Variants in TRIQK observed in about 807,000 individuals in gnomAD.
The protein encoded by TRIQK is triple QxxK/R motif containing.
Under a neutral mutation model 10.8 loss-of-function variants are expected in TRIQK, and 10 were observed. The observed-to-expected ratio is 0.92, with a 90% CI of 0.57 to 1.57. The LOEUF (loss-of-function observed/expected upper bound fraction) is 1.57. Among genes scored for constraint, TRIQK ranks in the 40% most tolerant of loss-of-function variants. The probability of loss-of-function intolerance (pLI) is 0.00; values close to 1 mark genes in which losing one functional copy is unlikely to be tolerated. For missense variants in TRIQK, 107 were observed against 97.7 expected, an observed-to-expected ratio of 1.09 and a Z score of -0.40; for synonymous variants, 33 against 33.7, an observed-to-expected ratio of 0.98 and a Z score of 0.07.
chr8:93,004,869 C>G (rs1403684786), intron 1 of TRIQK, among the ~76,000 whole-genome samples: 1 of 152,222 alleles, frequency 6.6e-6, no homozygotes, highest in Non-Finnish European at 1.5e-5. Flanking sequence ...TCATCTCCAT[C>G]TGAGACCAGC....
chr8:92,937,595 T>A (rs1021962295), intron 2 of TRIQK, among the ~76,000 whole-genome samples: 15 of 145,038 alleles, frequency 1.0e-4, no homozygotes, highest in Non-Finnish European at 2.1e-4. Context: ...TTTTTTTTTT[T>A]ACTTGCTTCT....
intron 1 of TRIQK, among the ~76,000 whole-genome samples, chr8:92,957,665 T>C (rs559284321): frequency 6.6e-6 from 1 of 152,070 alleles, no homozygotes; most frequent in East Asian, 1.9e-4. Context: ...CAAACTTTCA[T>C]AAAGTTTTTG....
chr8:92,963,142 A>C (rs1812544302), intron 1 of TRIQK, among the ~76,000 whole-genome samples: 1 of 152,202 alleles, frequency 6.6e-6, no homozygotes, highest in Non-Finnish European at 1.5e-5. Flanking sequence ...GAGTTGAATA[A>C]AGAAAGAGTC....
intron 1 of TRIQK, among the ~76,000 whole-genome samples, chr8:93,006,567 C>T (rs1433253354): frequency 6.6e-6 from 1 of 152,106 alleles, no homozygotes; most frequent in Non-Finnish European, 1.5e-5. Context: ...TAAGGAGCAG[C>T]CATCATCACT....
At chr8:92,993,658 G>A (rs1251304210) in intron 1 of TRIQK, among the ~76,000 whole-genome samples, 1 of 152,086 alleles carries the variant, frequency 6.6e-6, no homozygotes, top group Non-Finnish European at 1.5e-5. Context: ...GCACCGGTGG[G>A]CAAAGCTTCC....
chr8:93,003,954 G>T (rs1032442980), intron 1 of TRIQK, among the ~76,000 whole-genome samples: 1 of 152,200 alleles, frequency 6.6e-6, no homozygotes, highest in Non-Finnish European at 1.5e-5. Context: ...TCTCCCTGTG[G>T]CTTGCAGGGT....
intron 3 of TRIQK, among the ~76,000 whole-genome samples, chr8:92,914,881 G>T (rs1809748017): frequency 6.6e-6 from 1 of 151,960 alleles, no homozygotes; most frequent in Non-Finnish European, 1.5e-5. Flanking sequence ...TATACCCAAA[G>T]AAAATAAAAT....
rs956056779 is a variant in TRIQK at position 93,008,195 on chromosome 8, C to A, written c.-181+9414G>T. Among the ~76,000 whole-genome samples, 3 of 152,138 alleles carry A rather than the reference C, an allele frequency of 2.0e-5. No individual in the cohort carries two copies. In the South Asian group the frequency reaches 6.2e-4, roughly 32 times the overall value. On this transcript the variant is annotated intron_variant, in intron 1 of 4. Transcript: ENST00000520686. ...TAGCTAATGCATGCTAGGCTTAATA[C>A]CCAGGTGATGGGCTGATAAGTGCAG...
intron 1 of TRIQK, among the ~76,000 whole-genome samples, chr8:93,012,414 G>A (rs1260437885): frequency 6.6e-6 from 1 of 152,084 alleles, no homozygotes; most frequent in Non-Finnish European, 1.5e-5. Flanking sequence ...GGGAGAAGTG[G>A]TGTTTGCAGT....
chr8:92,897,682 C>G (rs1278671283), intron 3 of TRIQK, among the ~76,000 whole-genome samples: 1 of 152,106 alleles, frequency 6.6e-6, no homozygotes, highest in African/African-American at 2.4e-5. Context: ...GTTATAGCAG[C>G]ACCAAATGGA....
At chr8:93,009,884 G>A (rs62520835) in intron 1 of TRIQK, among the ~76,000 whole-genome samples, 15,178 of 152,062 alleles carry the variant, frequency 0.1, 1,760 homozygotes, top group African/African-American at 0.28. Flanking sequence ...CAACCTAAGT[G>A]TCCAACACTT....
In TRIQK at chr8:92,943,963, A is replaced by T. The variant is rs1457307104; in HGVS notation, c.-22+10443T>A. Among the ~76,000 whole-genome samples the T allele has an allele frequency of 2.0e-5, 3 of 152,286 alleles. No individual in the cohort carries two copies. In the East Asian group the frequency reaches 5.8e-4, roughly 29 times the overall value. The stretch of plus-strand genomic sequence containing the variant: ...CTATGCATCTGTTAATATCCAGATT[A>T]TATTAGGACTATATATCCAGACTAT... On this transcript the variant is annotated intron_variant, in intron 2 of 4. Coordinates refer to ENST00000521988, the MANE Select transcript of TRIQK (RefSeq NM_001171797.2).
At chr8:92,929,826 T>G (rs1810620428) in intron 2 of TRIQK, among the ~76,000 whole-genome samples, 1 of 152,144 alleles carries the variant, frequency 6.6e-6, no homozygotes, top group African/African-American at 2.4e-5. Flanking sequence ...GTATGGGAAA[T>G]GTACTTGAGT....
At position 92,902,892 on chromosome 8, in the gene TRIQK, T is replaced by C. The variant is rs147429641; in HGVS notation, c.62-10818A>G. Among the ~76,000 whole-genome samples, 290 of 152,138 alleles carry C rather than the reference T, an allele frequency of 1.9e-3. 1 individual carries two copies. The highest frequency in any genetic ancestry group is 6.5e-3 in the African/African-American group (272 of 41,560). On this transcript the variant is annotated intron_variant, in intron 3 of 4. Coordinates refer to ENST00000521988, the MANE Select transcript of TRIQK (RefSeq NM_001171797.2). The stretch of plus-strand genomic sequence containing the variant: ...AATTTTTAGTGTTCCATTTAAATTA[T>C]GTATTGTGATTTTGACTCTAGATTA...
At chr8:92,977,161 G>A (rs1421873579) in intron 1 of TRIQK, among the ~76,000 whole-genome samples, 1 of 151,964 alleles carries the variant, frequency 6.6e-6, no homozygotes, top group African/African-American at 2.4e-5. Context: ...TTTGTATGAA[G>A]TGTGCTTTCT....
chr8:92,948,383 A>T (rs548619956), intron 2 of TRIQK, among the ~76,000 whole-genome samples: 136 of 152,298 alleles, frequency 8.9e-4, no homozygotes, highest in African/African-American at 3.1e-3. Context: ...ATCTCTAAGT[A>T]TTTAAAACAA....
intron 1 of TRIQK, among the ~76,000 whole-genome samples, chr8:92,999,134 T>C (rs1239244338): frequency 6.6e-6 from 1 of 152,138 alleles, no homozygotes; most frequent in Non-Finnish European, 1.5e-5. Flanking sequence ...CAACTTCAGG[T>C]TGTTCCAGGC....
chr8:92,891,856 C>T (rs1225381509), intron 4 of TRIQK, 133 bp downstream of exon 4: 1 of 653,220 alleles, frequency 1.5e-6, no homozygotes, highest in Non-Finnish European at 2.4e-6. Flanking sequence ...TTACAAAAAC[C>T]TTTAAGTCTG....
intron 1 of TRIQK, among the ~76,000 whole-genome samples, chr8:92,983,668 G>A (rs546467579): frequency 6.6e-6 from 1 of 152,158 alleles, no homozygotes; most frequent in African/African-American, 2.4e-5. Flanking sequence ...CTCACTTACT[G>A]GGAGAGGGGA....
Sources: allele counts gnomAD v4.1 joint callset (sites outside exome capture counted in the v4.1 genomes callset), GRCh38; gene constraint gnomAD v4.1.1; transcripts MANE v1.5; gene names NCBI Gene and HGNC (gene_info 2026-07-23, HGNC 2026-07-21).